The following C4orf51 variants were observed in gnomAD, a reference collection of about 807,000 sequenced individuals.
C4orf51 encodes chromosome 4 open reading frame 51.
In C4orf51, 25 loss-of-function variants were observed where a neutral mutation model predicts 25.2. The ratio of observed to expected loss-of-function variants is 0.99; its 90% confidence interval spans 0.72 to 1.39. The LOEUF is 1.39. Ranked by LOEUF, C4orf51 falls within the 40% of genes most tolerant of loss-of-function variation. C4orf51 has a pLI of 0.00. For missense variants in C4orf51, 252 were observed against 239.6 expected, an observed-to-expected ratio of 1.05 and a Z score of -0.34; for synonymous variants, 100 against 84.5, an observed-to-expected ratio of 1.18 and a Z score of -1.01.
chr4:145,748,379 T>G (rs1456372146), intron 1 of C4orf51, among the ~76,000 whole-genome samples: 1 of 152,142 alleles, frequency 6.6e-6, no homozygotes, highest in Non-Finnish European at 1.5e-5. Context: ...TTTCTTCATT[T>G]CAATTTCATG....
the C4orf51 span, chr4:145,779,311 C>T: frequency 4.5e-6 from 7 of 1,556,320 alleles, no homozygotes; most frequent in South Asian, 2.5e-5. Flanking sequence ...ACTCAGTTTC[C>T]GGAGAGTAAA....
intron 1 of C4orf51, 24 bp from the exon 2 acceptor site, chr4:145,696,535 G>C (rs1292699923): frequency 1.9e-6 from 3 of 1,588,748 alleles, no homozygotes. Flanking sequence ...TTTGTAACTT[G>C]TTTCTTCTAC....
chr4:145,683,943 C>T (rs4835243), intron 1 of C4orf51, among the ~76,000 whole-genome samples: 94,904 of 152,050 alleles, frequency 0.62, 30,885 homozygotes, highest in African/African-American at 0.81. Context: ...AGTAAGACAA[C>T]GTCAAGAGAA....
At chr4:145,727,991 A>ATATAT (rs1399719086) in intron 3 of C4orf51, among the ~76,000 whole-genome samples, 1 of 132,564 alleles carries the variant, frequency 7.5e-6, no homozygotes, top group African/African-American at 2.8e-5. Flanking sequence ...ATTATATATA[A>ATATAT]TATATTATAT....
At chr4:145,739,987 A>G (rs1733005527) in intron 1 of C4orf51, among the ~76,000 whole-genome samples, 1 of 152,206 alleles carries the variant, frequency 6.6e-6, no homozygotes, top group East Asian at 1.9e-4. Context: ...TCAACCAGCA[A>G]TAGCATCTCT....
At chr4:145,772,390 T>G (rs564983578), downstream of C4orf51, among the ~76,000 whole-genome samples, 6 of 152,354 alleles carry the variant, frequency 3.9e-5, no homozygotes, top group East Asian at 1.2e-3. Flanking sequence ...AGATTTAGAT[T>G]GATCTATTTT....
Position 145,696,961 on chromosome 4 carries a change from C to T in C4orf51, c.307+329C>T, listed in dbSNP as rs534313357. Reference sequence around the variant, plus strand: ...ATGAGGCAGGAGAATTGCTTGAACCCGGGAGGCAGAGGTTGCAGTGAGCCG... The same window carrying T: ...ATGAGGCAGGAGAATTGCTTGAACCTGGGAGGCAGAGGTTGCAGTGAGCCG... On this transcript the variant is annotated intron_variant, in intron 2 of 5. Transcript: ENST00000438731. Among the ~76,000 whole-genome samples, 6 of 151,938 alleles carry T rather than the reference C, an allele frequency of 3.9e-5. No individual in the cohort carries two copies. In the South Asian group the frequency reaches 8.4e-4, roughly 21 times the overall value.
chr4:145,733,127 C>G (rs1041576126), downstream of C4orf51, among the ~76,000 whole-genome samples: 29 of 151,970 alleles, frequency 1.9e-4, no homozygotes, highest in Non-Finnish European at 3.8e-4. Context: ...GCTGCCTGCG[C>G]CCCCAAAGCC....
chr4:145,792,010 GC>G, the C4orf51 span, among the ~76,000 whole-genome samples: 1 of 152,128 alleles, frequency 6.6e-6, no homozygotes. Flanking sequence ...ATTCCTCTTT[GC>G]AAAAACCTCT....
the C4orf51 span, among the ~76,000 whole-genome samples, chr4:145,789,412 C>T: frequency 6.6e-6 from 1 of 152,172 alleles, no homozygotes; most frequent in East Asian, 1.9e-4. Flanking sequence ...GGAGACAGTA[C>T]ATAATTAAAA....
chr4:145,685,670 G>A (rs1185667635), intron 1 of C4orf51, among the ~76,000 whole-genome samples: 2 of 152,178 alleles, frequency 1.3e-5, no homozygotes, highest in East Asian at 1.9e-4. Context: ...GTCAGTGGTC[G>A]ATCTTTAACT....
chr4:145,774,304 G>C (rs1338697081), downstream of C4orf51, among the ~76,000 whole-genome samples: 1 of 152,196 alleles, frequency 6.6e-6, no homozygotes, highest in East Asian at 1.9e-4. Flanking sequence ...GAGTCTTTCA[G>C]AGCAGTGAGG....
intron 1 of C4orf51, 73 bp from the exon 2 acceptor site, chr4:145,696,486 G>A: frequency 3.3e-6 from 4 of 1,218,260 alleles, no homozygotes; most frequent in South Asian, 2.5e-5. Context: ...GGAAATCCCT[G>A]TAAGTCCACA....
intron 2 of C4orf51, among the ~76,000 whole-genome samples, chr4:145,699,691 G>A (rs574300522): frequency 1.7e-3 from 253 of 152,310 alleles, no homozygotes; most frequent in African/African-American, 5.7e-3. Flanking sequence ...GTCAGACCAC[G>A]CAGGGAAGCC....
chr4:145,782,476 G>A, the C4orf51 span, among the ~76,000 whole-genome samples: 10 of 152,078 alleles, frequency 6.6e-5, no homozygotes, highest in East Asian at 1.5e-3. Context: ...TTCCTCCCCC[G>A]ACTCTCTTTC....
the C4orf51 span, among the ~76,000 whole-genome samples, chr4:145,790,883 A>G: frequency 2.0e-5 from 3 of 152,330 alleles, no homozygotes; most frequent in South Asian, 2.1e-4. Flanking sequence ...TTAGCACATT[A>G]TAACATTTTT....
downstream of C4orf51, among the ~76,000 whole-genome samples, chr4:145,737,532 T>C (rs1416200706): frequency 6.6e-6 from 1 of 152,230 alleles, no homozygotes; most frequent in Non-Finnish European, 1.5e-5. Context: ...AGCACATCTT[T>C]GGTAGATTTT....
Position 145,730,715 on chromosome 4 carries a change from C to T in C4orf51, c.501+750C>T, listed in dbSNP as rs539469383. On this transcript the variant is annotated intron_variant, in intron 5 of 5. Transcript: ENST00000438731. ...CGTTATGTGTGTTAAAAAAAAAACCCTGACCATTAAAATAAAAAATGTTAT... is the reference window on the plus strand; with the variant it reads ...CGTTATGTGTGTTAAAAAAAAAACCTTGACCATTAAAATAAAAAATGTTAT... 1.8e-3 allele frequency among the ~76,000 whole-genome samples: 278 copies of T among 151,926 alleles called. 2 individuals are homozygous for T. The highest frequency in any genetic ancestry group is 6.5e-3 in the African/African-American group (269 of 41,438).
intron 2 of C4orf51, among the ~76,000 whole-genome samples, chr4:145,707,094 G>C (rs189286505): frequency 6.6e-6 from 1 of 152,150 alleles, no homozygotes; most frequent in East Asian, 1.9e-4. Context: ...TGGGCCACCA[G>C]GCATGAGCCA....
Sources: allele counts gnomAD v4.1 joint callset (sites outside exome capture counted in the v4.1 genomes callset), GRCh38; gene constraint gnomAD v4.1.1; transcripts MANE v1.5; gene names NCBI Gene and HGNC (gene_info 2026-07-23, HGNC 2026-07-21).